The following TICRR variants were observed in gnomAD, a reference collection of about 807,000 sequenced individuals.
The protein encoded by TICRR is TOPBP1 interacting checkpoint and replication regulator, also known as treslin.
A neutral mutation model predicts 178.1 loss-of-function variants in TICRR; 132 were observed. The ratio of observed to expected loss-of-function variants is 0.74; its 90% CI spans 0.64 to 0.86. The LOEUF is 0.86. TICRR is among the 40% of genes least tolerant of loss of function. The probability of loss-of-function intolerance (pLI) is 0.00; values close to 1 mark genes in which losing one functional copy is unlikely to be tolerated. For missense variants in TICRR, 2,587 were observed against 2,334.3 expected (o/e 1.11, Z -2.23); for synonymous variants, 991 against 900.7 (o/e 1.10, Z -1.79).
At chr15:89,580,942 G>A (rs140568581) in intron 1 of TICRR, among the ~76,000 whole-genome samples, 3 of 152,304 alleles carry the variant, frequency 2.0e-5, no homozygotes, top group Non-Finnish European at 2.9e-5. Flanking sequence ...AGGCTGGGGC[G>A]AGAGGATTGC....
intron 10 of TICRR, 33 bp from the exon 11 acceptor site, chr15:89,601,456 A>G: frequency 6.2e-7 from 1 of 1,612,720 alleles, no homozygotes. Flanking sequence ...TGCAGAGGGC[A>G]TCTATATAGT....
At position 89,575,652 on chromosome 15, in the gene TICRR, G is replaced by C. The variant is rs1962596629; in HGVS notation, c.66G>C (p.Arg22=). 4 of 1,570,160 alleles carry C rather than the reference G, an allele frequency of 2.5e-6. No homozygotes were observed. The highest frequency in any genetic ancestry group is 1.8e-5 in the Admixed American group (1 of 54,104). ...CGGGCGGCGCCGCCCGCCACAGCCG[G>C]GTCCGGCGGGCCGCCCTGCGCCTCC... ...DTAGGAARHS[R]VRRAALRLLT... Residue 22 remains arginine, a synonymous_variant, in exon 1 of 22, where the codon CGG becomes CGC. Coordinates refer to ENST00000268138, the MANE Select transcript of TICRR (RefSeq NM_152259.4).
Position 89,624,173 on chromosome 15 carries a change from C to T in TICRR, c.3863C>T (p.Ala1288Val). Residue 1288 changes from alanine (A) to valine (V), a missense_variant, in exon 20 of 22, where the codon GCT (alanine) becomes GTT (valine). Ala to Val is a moderately conservative substitution (Grantham distance 64). Transcript: ENST00000268138. The stretch of plus-strand genomic sequence containing the variant: ...CCAGCCCAGAAACTAAAGGATAAAG[C>T]TATCAAAACTCCAAAAAGACCAGGG... Reference protein sequence around the residue: ...EEPAQKLKDKAIKTPKRPGNS... With the variant: ...EEPAQKLKDKVIKTPKRPGNS... 4 of 1,614,066 alleles carry T rather than the reference C, an allele frequency of 2.5e-6. No individual in the cohort carries two copies. Among genetic ancestry groups the T allele is most frequent in the Non-Finnish European group, 3.4e-6 (4 of 1,180,016 alleles).
chr15:89,599,897 G>A (rs2141964226), intron 8 of TICRR, among the ~76,000 whole-genome samples: 1 of 152,304 alleles, frequency 6.6e-6, no homozygotes, highest in East Asian at 1.9e-4. Flanking sequence ...CACGAGGTCA[G>A]GAGTTTGAGA....
At chr15:89,619,617 A>G in intron 17 of TICRR, 91 bp from the exon 18 acceptor site, 2 of 1,343,802 alleles carry the variant, frequency 1.5e-6, no homozygotes, top group Non-Finnish European at 2.1e-6. Context: ...TATATGTGGT[A>G]CTATGTAAAT....
Position 89,625,176 on chromosome 15 carries a change from G to C in TICRR, c.4866G>C (p.Val1622=). ...TAAGCAAACCTGAACCCACCTATGT[G>C]TCACCCCCCTGCCCCCGCCTCTCCC... ...RSLSKPEPTY[V]SPPCPRLSHS... Residue 1622 remains valine (V), a synonymous_variant, in exon 20 of 22, where the codon GTG becomes GTC. Coordinates refer to ENST00000268138, the MANE Select transcript of TICRR (RefSeq NM_152259.4). The C allele has an allele frequency of 6.2e-7, 1 of 1,613,618 alleles. No homozygotes were observed. The highest frequency in any genetic ancestry group is 8.5e-7 in the Non-Finnish European group (1 of 1,179,872).
In TICRR at chr15:89,575,860, G is replaced by A; in HGVS notation, c.274G>A (p.Gly92Ser). ...GCTCGAGGATCGCGCCCACCTGCCC[G>A]GCCCGGCGCCCAGGGCCACCCACAC... ...ARLEDRAHLP[G>S]PAPRATHTHG... is the part of the protein sequence containing the mutation. The change falls in exon 1 of 22, where the codon GGC (glycine) becomes AGC (serine). Residue 92 changes from glycine to serine, a missense_variant. Gly to Ser is a moderately conservative substitution (Grantham distance 56). Coordinates refer to ENST00000268138, the MANE Select transcript of TICRR (RefSeq NM_152259.4). 6.3e-7 allele frequency: 1 copy of A among 1,585,790 alleles called. No homozygotes were observed. Among genetic ancestry groups the A allele is most frequent in the Non-Finnish European group, 8.6e-7 (1 of 1,168,754 alleles).
chr15:89,625,343 C>A lies in TICRR; in HGVS notation c.5033C>A (p.Thr1678Asn), dbSNP rs1567053884. 6.2e-7 allele frequency: 1 copy of A among 1,614,102 alleles called. No individual in the cohort carries two copies. Among genetic ancestry groups the A allele is most frequent in the Non-Finnish European group, 8.5e-7 (1 of 1,180,036 alleles). ...TPSPKHSGKT[T>N]PDIIKDWPRR... ...TCCCCCAAGCACAGTGGGAAGACAA[C>A]TCCAGACATAATTAAAGACTGGCCC... Residue 1678 changes from threonine (T) to asparagine (N), a missense_variant, in exon 20 of 22, where the codon ACT (threonine) becomes AAT (asparagine). Coordinates refer to ENST00000268138, the MANE Select transcript of TICRR (RefSeq NM_152259.4).
chr15:89,577,258 GCGTACA>G (rs1962640028), intron 1 of TICRR, among the ~76,000 whole-genome samples: 2 of 472 alleles, frequency 4.2e-3, no homozygotes, highest in Non-Finnish European at 8.9e-3. Context: ...GTACATTCTT[GCGTACA>G]TTCTTGCAAA....
intron 9 of TICRR, among the ~76,000 whole-genome samples, 156 bp from the exon 10 acceptor site, chr15:89,601,142 C>T (rs1963087939): frequency 6.6e-6 from 1 of 151,536 alleles, no homozygotes; most frequent in African/African-American, 2.4e-5. Flanking sequence ...CTTGAATCAC[C>T]TATTTATCTA....
intron 4 of TICRR, among the ~76,000 whole-genome samples, chr15:89,588,883 C>A (rs142820040): frequency 3.9e-5 from 6 of 151,980 alleles, no homozygotes; most frequent in African/African-American, 1.5e-4. Context: ...ATGTGAGACT[C>A]AAAGCTGGAT....
At chr15:89,602,738 G>T (rs1963117491) in intron 12 of TICRR, 58 bp from the exon 13 acceptor site, 2 of 821,842 alleles carry the variant, frequency 2.4e-6, no homozygotes, top group Non-Finnish European at 3.4e-6. Flanking sequence ...AGTTCCATTT[G>T]AATTTAACTA....
In TICRR at chr15:89,608,966, T is replaced by C. The variant is rs757394619; in HGVS notation, c.2869+17T>C. On this transcript the variant is annotated intron_variant, in intron 15 of 21. Coordinates refer to ENST00000268138, the MANE Select transcript of TICRR (RefSeq NM_152259.4). ...AGAACAAAGGTACCACATTTCAGAATAGCTAGGAAAAAGGAAAGGGAGATT... is the reference window on the plus strand; with the variant it reads ...AGAACAAAGGTACCACATTTCAGAACAGCTAGGAAAAAGGAAAGGGAGATT... The C allele has an allele frequency of 1.3e-6, 2 of 1,570,540 alleles. No homozygotes were observed. Among genetic ancestry groups the C allele is most frequent in the Non-Finnish European group, 8.6e-7 (1 of 1,166,138 alleles).
At chr15:89,621,981 TC>T (rs1386658492) in intron 19 of TICRR, among the ~76,000 whole-genome samples, 1 of 120,782 alleles carries the variant, frequency 8.3e-6, no homozygotes, top group Non-Finnish European at 1.7e-5. Context: ...ACAAACTGAC[TC>T]TTTTTTTTTT....
At position 89,576,314 on chromosome 15, in the gene TICRR, T is replaced by G; in HGVS notation, c.654+74T>G. On this transcript the variant is annotated intron_variant, in intron 1 of 21. Transcript: ENST00000268138. The stretch of plus-strand genomic sequence containing the variant: ...GCTAACCAGAACTTGGCAGCGTCCT[T>G]AGAACAGCCACAGACCCCGAATGAG... 2.2e-6 allele frequency: 3 copies of G among 1,381,530 alleles called. No individual in the cohort carries two copies. The South Asian group carries it at 4.4e-5, about 20-fold the overall frequency. 85.6% of individuals were successfully genotyped at this position (1,381,530 alleles called of 1,614,324 possible). A position where few individuals can be genotyped will look rare whatever the true frequency, so the allele number is the denominator to read the frequency against.
intron 13 of TICRR, among the ~76,000 whole-genome samples, chr15:89,603,934 T>C (rs1232503834): frequency 6.6e-6 from 1 of 152,196 alleles, no homozygotes; most frequent in Non-Finnish European, 1.5e-5. Flanking sequence ...CATGGTTGAC[T>C]ATGGGAAACT....
intron 8 of TICRR, 110 bp downstream of exon 8, chr15:89,599,585 CA>C: frequency 7.2e-6 from 8 of 1,104,442 alleles, no homozygotes; most frequent in Non-Finnish European, 1.0e-5. Context: ...ATATGTGATT[CA>C]AAAATGGTAA....
rs2141985208 is a variant in TICRR at position 89,624,796 on chromosome 15, G to A, written c.4486G>A (p.Ala1496Thr). Residue 1496 changes from alanine (A) to threonine (T), a missense_variant, in exon 20 of 22, where the codon GCT becomes ACT. Ala to Thr is a moderately conservative substitution (Grantham distance 58). Coordinates refer to ENST00000268138, the MANE Select transcript of TICRR (RefSeq NM_152259.4). Reference protein sequence around the residue: ...EEGEGLRTADAEKSSLSHPGI... With the variant: ...EEGEGLRTADTEKSSLSHPGI... Reference sequence around the variant, plus strand: ...GGGTGAGGGGCTAAGGACAGCAGATGCTGAGAAGTCTTCTCTGTCTCACCC... The same window carrying A: ...GGGTGAGGGGCTAAGGACAGCAGATACTGAGAAGTCTTCTCTGTCTCACCC... 1 of 1,614,198 alleles carries A rather than the reference G, an allele frequency of 6.2e-7. No homozygotes were observed. Among genetic ancestry groups the A allele is most frequent in the East Asian group, 2.2e-5 (1 of 44,874 alleles).
chr15:89,587,885 T>G (rs1365672413), intron 4 of TICRR, among the ~76,000 whole-genome samples: 1 of 151,896 alleles, frequency 6.6e-6, no homozygotes, highest in East Asian at 1.9e-4. Context: ...AGAGTCAAGG[T>G]TTTTGGTTTT....
Sources: gnomAD v4.1 joint callset for allele counts (sites outside exome capture counted in the v4.1 genomes callset) on GRCh38, gnomAD v4.1.1 for gene constraint, MANE v1.5 for transcripts, NCBI Gene and HGNC (gene_info 2026-07-23, HGNC 2026-07-21) for gene names.